Variants in SNX14 observed in about 807,000 individuals in gnomAD.
SNX14 encodes sorting nexin-14.
SNX14 carries 93 observed loss-of-function variants against 133.8 expected under a neutral mutation model. The ratio of observed to expected loss-of-function variants is 0.70; its 90% CI spans 0.59 to 0.83. The LOEUF (loss-of-function observed/expected upper bound fraction) is 0.83, where lower values mean the gene tolerates loss of function less well. Ranked by LOEUF, SNX14 falls within the 40% of genes least tolerant of loss-of-function variation. The pLI, the probability that SNX14 is intolerant of heterozygous loss-of-function variation, is 0.00. For synonymous variants in SNX14, 368 were observed against 365.6 expected, an observed-to-expected ratio of 1.01 and a Z score of -0.07; for missense variants, 945 against 1,094.9, an observed-to-expected ratio of 0.86 and a Z score of 1.93.
At position 85,549,891 on chromosome 6, in the gene SNX14, AAAGATAAATATTGAAAC is replaced by A. The variant is rs1251252132; in HGVS notation, c.635-29_635-13del. 6.3e-7 allele frequency: 1 copy of A among 1,584,004 alleles called. No homozygotes were observed. The highest frequency in any genetic ancestry group is 8.6e-7 in the Non-Finnish European group (1 of 1,165,734). On this transcript the variant is annotated splice_polypyrimidine_tract_variant and intron_variant, in intron 7 of 28. Transcript: ENST00000314673. ...CTCTGTATTTTTTACTATAGAGATT[AAAGATAAATATTGAAAC>A]AAGTTAAGTGACATTAAATAATTTC...
chr6:85,551,956 G>A (rs1787955116), intron 7 of SNX14, among the ~76,000 whole-genome samples: 1 of 151,370 alleles, frequency 6.6e-6, no homozygotes, highest in African/African-American at 2.4e-5. Flanking sequence ...AAAAGACTAA[G>A]TGGAAAGGCA....
In SNX14 at chr6:85,571,824, C is replaced by T. The variant is rs1366088675; in HGVS notation, c.417+313G>A. Among the ~76,000 whole-genome samples the T allele has an allele frequency of 2.6e-5, 4 of 152,124 alleles. No homozygotes were observed. In the East Asian group the frequency reaches 5.8e-4, roughly 22 times the overall value. ...ATATATTGATTTGCTCCTTGCAGTC[C>T]AGGGTTCCTTTTGGAATTACAAAAT... On this transcript the variant is annotated intron_variant, in intron 4 of 28. Coordinates refer to ENST00000314673, the MANE Select transcript of SNX14 (RefSeq NM_153816.6).
At chr6:85,542,159 G>C (rs1783963400) in intron 14 of SNX14, 116 bp from the exon 15 acceptor site, 1 of 615,452 alleles carries the variant, frequency 1.6e-6, no homozygotes, top group South Asian at 2.5e-5. Context: ...TCTCAATCAA[G>C]TGAATACAGA....
intron 1 of SNX14, among the ~76,000 whole-genome samples, chr6:85,586,148 T>C (rs1327737545): frequency 1.3e-5 from 2 of 152,064 alleles, no homozygotes; most frequent in Non-Finnish European, 2.9e-5. Flanking sequence ...AACAAGTCAA[T>C]GGCAAGGAGA....
At chr6:85,585,665 A>C (rs1356862084) in intron 1 of SNX14, among the ~76,000 whole-genome samples, 3 of 148,454 alleles carry the variant, frequency 2.0e-5, no homozygotes, top group Non-Finnish European at 4.5e-5. Flanking sequence ...CATTTATCCT[A>C]CTTTTCCAAT....
chr6:85,547,662 T>C, intron 9 of SNX14, 112 bp from the exon 10 acceptor site: 1 of 938,100 alleles, frequency 1.1e-6, no homozygotes, highest in Middle Eastern at 3.5e-4. Context: ...AAAAAATAAA[T>C]GGAGCAGTAG....
At chr6:85,522,214 G>C (rs1296965170) in intron 21 of SNX14, among the ~76,000 whole-genome samples, 1 of 152,182 alleles carries the variant, frequency 6.6e-6, no homozygotes, top group African/African-American at 2.4e-5. Context: ...GCAGAGCCAT[G>C]CTCACAAATC....
chr6:85,515,262 C>CAAAAAA (rs751549621), intron 23 of SNX14, among the ~76,000 whole-genome samples: 10 of 22,720 alleles, frequency 4.4e-4, no homozygotes, highest in African/African-American at 9.3e-4. Flanking sequence ...GCAAGACCGT[C>CAAAAAA]AAAAAAAAAA....
chr6:85,521,045 A>T (rs2127900561), intron 21 of SNX14, among the ~76,000 whole-genome samples: 1 of 152,358 alleles, frequency 6.6e-6, no homozygotes, highest in African/African-American at 2.4e-5. Context: ...TCCTACTAAC[A>T]GTGTGTAAGA....
chr6:85,551,182 CT>C (rs1001772362), intron 7 of SNX14, among the ~76,000 whole-genome samples: 3 of 152,200 alleles, frequency 2.0e-5, no homozygotes, highest in African/African-American at 7.2e-5. Flanking sequence ...TGGACTCCCC[CT>C]AGCTGAGAAA....
rs1795851690 is a variant in SNX14 at position 85,572,208 on chromosome 6, A to G, written c.346T>C (p.Leu116=). 6.2e-7 allele frequency: 1 copy of G among 1,613,712 alleles called. No homozygotes were observed. The highest frequency in any genetic ancestry group is 1.7e-5 in the Admixed American group (1 of 59,996). Residue 116 remains leucine, a synonymous_variant, in exon 4 of 29, where the codon TTG becomes CTG. Coordinates refer to ENST00000314673, the MANE Select transcript of SNX14 (RefSeq NM_153816.6). ...CATGGCTGGTAGTTTTCAAGTAGCAAAGAAGGCCTAAAGAAAAATTATACA... is the reference window on the plus strand; with the variant it reads ...CATGGCTGGTAGTTTTCAAGTAGCAGAGAAGGCCTAAAGAAAAATTATACA... ...KVKCKRHRPS[L]LLENYQPWLD...
At chr6:85,555,107 A>G (rs538018581) in intron 7 of SNX14, among the ~76,000 whole-genome samples, 1 of 152,198 alleles carries the variant, frequency 6.6e-6, no homozygotes, top group Non-Finnish European at 1.5e-5. Context: ...CCAATGTGAT[A>G]TATATACAAC....
At chr6:85,522,168 T>C (rs1340663822) in intron 21 of SNX14, among the ~76,000 whole-genome samples, 1 of 152,244 alleles carries the variant, frequency 6.6e-6, no homozygotes, top group Non-Finnish European at 1.5e-5. Flanking sequence ...AATGTCCCAG[T>C]AGCATTTCTT....
intron 17 of SNX14, among the ~76,000 whole-genome samples, chr6:85,534,358 C>T (rs1313613039): frequency 6.6e-6 from 1 of 152,202 alleles, no homozygotes; most frequent in East Asian, 1.9e-4. Context: ...AAACTGGAAA[C>T]TTCTCTTTTC....
chr6:85,517,991 A>G lies in SNX14; in HGVS notation c.2148+17T>C, dbSNP rs374249399. ...ATGATTATCATGTTATAGAACACAC[A>G]TAAATCAGTTACTCACCTCTTTCAT... On this transcript the variant is annotated intron_variant, in intron 22 of 28. Coordinates refer to ENST00000314673, the MANE Select transcript of SNX14 (RefSeq NM_153816.6). The G allele has an allele frequency of 5.8e-5, 93 of 1,602,090 alleles. No homozygotes were observed. The highest frequency in any genetic ancestry group is 7.7e-5 in the Non-Finnish European group (91 of 1,174,466).
rs1350887443 is a variant in SNX14 at position 85,593,811 on chromosome 6, T to G, written c.-93A>C. The stretch of plus-strand genomic sequence containing the variant: ...ACCTCGCGTCCCCGCCCCACCGACT[T>G]GGCGGCGCACACAGACGCCTACCGG... On this transcript the variant is annotated 5_prime_UTR_variant, in exon 1 of 29. Transcript: ENST00000314673. 2 of 1,573,116 alleles carry G rather than the reference T, an allele frequency of 1.3e-6. No homozygotes were observed. The highest frequency in any genetic ancestry group is 1.4e-5 in the African/African-American group (1 of 73,176).
intron 5 of SNX14, 41 bp downstream of exon 5, chr6:85,567,493 C>T: frequency 7.3e-7 from 1 of 1,362,876 alleles, no homozygotes; most frequent in Non-Finnish European, 1.0e-6. Flanking sequence ...TAATAGTATT[C>T]ACTGTATCAC....
Position 85,593,601 on chromosome 6 carries a change from C to T in SNX14, c.118G>A (p.Ala40Thr), listed in dbSNP as rs757034242. 6.2e-7 allele frequency: 1 copy of T among 1,612,620 alleles called. No homozygotes were observed. Among genetic ancestry groups the T allele is most frequent in the South Asian group, 1.1e-5 (1 of 90,826 alleles). ...LFCFLLLCLS[A>T]ASLLLNRYIH... ...TACCTGTTAAGAAGCAGGGAGGCGG[C>T]GCTGAGACAGAGCAGCAGGAAGCAG... The change falls in exon 1 of 29, where the codon GCC (alanine) becomes ACC (threonine). Residue 40 changes from alanine to threonine, a missense_variant. Coordinates refer to ENST00000314673, the MANE Select transcript of SNX14 (RefSeq NM_153816.6).
At chr6:85,553,197 A>AC (rs1280602780) in intron 7 of SNX14, among the ~76,000 whole-genome samples, 1 of 152,170 alleles carries the variant, frequency 6.6e-6, no homozygotes, top group Non-Finnish European at 1.5e-5. Flanking sequence ...GGGCAAGCAG[A>AC]CCCGAGTTCA....
Sources: gnomAD v4.1 joint callset for allele counts (sites outside exome capture counted in the v4.1 genomes callset) on GRCh38, gnomAD v4.1.1 for gene constraint, MANE v1.5 for transcripts, NCBI Gene and HGNC (gene_info 2026-07-23, HGNC 2026-07-21) for gene names.